THSD7A: variants seen among roughly 807,000 people sequenced by gnomAD.
The protein encoded by THSD7A is thrombospondin type-1 domain-containing protein 7A.
Under a neutral mutation model 231.3 loss-of-function variants are expected in THSD7A, and 96 were observed. The ratio of observed to expected loss-of-function variants is 0.41; its 90% CI spans 0.35 to 0.49. The LOEUF (loss-of-function observed/expected upper bound fraction) is 0.49. THSD7A is among the 20% of genes least tolerant of loss of function. The probability of loss-of-function intolerance (pLI) is 0.05; values close to 1 mark genes in which losing one functional copy is unlikely to be tolerated. For synonymous variants in THSD7A, 940 were observed against 743.3 expected (o/e 1.26, Z -4.30); for missense variants, 2,290 against 2,070.2 (o/e 1.11, Z -2.06).
At chr7:11,680,182 C>T (rs1178242165) in intron 1 of THSD7A, among the ~76,000 whole-genome samples, 5 of 151,998 alleles carry the variant, frequency 3.3e-5, no homozygotes, top group African/African-American at 1.2e-4. Context: ...CTTCCTTACA[C>T]CTTATACAAA....
chr7:11,379,435 G>A (rs956678259), intron 25 of THSD7A, 155 bp from the exon 26 acceptor site: 8 of 879,438 alleles, frequency 9.1e-6, no homozygotes, highest in African/African-American at 8.5e-5. Flanking sequence ...ACATACTTTT[G>A]GCATTATATG....
At chr7:11,525,105 AT>A (rs1379998239) in intron 6 of THSD7A, among the ~76,000 whole-genome samples, 1 of 152,158 alleles carries the variant, frequency 6.6e-6, no homozygotes, top group Non-Finnish European at 1.5e-5. Context: ...CAGCAAATCC[AT>A]TTTTAAATGC....
At position 11,372,413 on chromosome 7, in the gene THSD7A, T is replaced by C. The variant is rs1433485171; in HGVS notation, c.*3381A>G. Reference sequence around the variant, plus strand: ...TATTTGCCTTGTTAGAAGTAATTTGTGCTTTGTTATAAGTAATTAAAAACA... The same window carrying C: ...TATTTGCCTTGTTAGAAGTAATTTGCGCTTTGTTATAAGTAATTAAAAACA... On this transcript the variant is annotated 3_prime_UTR_variant, in exon 28 of 28. Transcript: ENST00000423059. 1 of 152,028 alleles carries C rather than the reference T, an allele frequency of 6.6e-6. No individual in the cohort carries two copies. Among genetic ancestry groups the C allele is most frequent in the Non-Finnish European group, 1.5e-5 (1 of 67,982 alleles). 9.4% of individuals were successfully genotyped at this position (152,028 alleles called of 1,614,324 possible).
intron 1 of THSD7A, among the ~76,000 whole-genome samples, chr7:11,768,754 G>C (rs1783110473): frequency 1.3e-5 from 2 of 151,938 alleles, no homozygotes. Context: ...TTGTTAATTT[G>C]TTATATAAAA....
intron 6 of THSD7A, among the ~76,000 whole-genome samples, chr7:11,504,832 CT>C (rs11379673): frequency 8.4e-4 from 126 of 150,196 alleles, no homozygotes; most frequent in African/African-American, 2.8e-3. Flanking sequence ...CAACTAACTC[CT>C]TTTTTTTTAT....
rs781611100 is a variant in THSD7A, at chr7:11,379,158, C to T, written c.4713G>A (p.Val1571=). Residue 1571 remains valine (V), a synonymous_variant, in exon 26 of 28, where the codon GTG becomes GTA. Coordinates refer to ENST00000423059, the MANE Select transcript of THSD7A (RefSeq NM_015204.3). ...TTGGATGTACAGCCCGACTGGTTTTCACATCTCCTCTTTTGTCCTCCATGG... is the reference window on the plus strand; with the variant it reads ...TTGGATGTACAGCCCGACTGGTTTTTACATCTCCTCTTTTGTCCTCCATGG... ...LPTMEDKRGD[V]KTSRAVHPTQ... is the part of the protein sequence containing the mutation. 10 of 1,613,568 alleles carry T rather than the reference C, an allele frequency of 6.2e-6. No homozygotes were observed. Among genetic ancestry groups the T allele is most frequent in the Non-Finnish European group, 8.5e-6 (10 of 1,179,732 alleles).
intron 1 of THSD7A, among the ~76,000 whole-genome samples, chr7:11,772,337 A>C (rs1268005474): frequency 6.6e-6 from 1 of 152,234 alleles, no homozygotes; most frequent in East Asian, 1.9e-4. Flanking sequence ...AACTTAAAAC[A>C]GAACTACCAT....
At chr7:11,468,783 G>A (rs1026375347) in intron 9 of THSD7A, among the ~76,000 whole-genome samples, 1 of 152,108 alleles carries the variant, frequency 6.6e-6, no homozygotes. Context: ...GCAATGGGCC[G>A]AAATTGAGCC....
chr7:11,723,969 C>T (rs1583226793), intron 1 of THSD7A, among the ~76,000 whole-genome samples: 1 of 151,726 alleles, frequency 6.6e-6, no homozygotes, highest in African/African-American at 2.4e-5. Flanking sequence ...TGAGAATAGA[C>T]CCAAAAGCAG....
intron 7 of THSD7A, 99 bp downstream of exon 7, chr7:11,481,689 G>T: frequency 8.7e-6 from 11 of 1,262,696 alleles, no homozygotes; most frequent in Non-Finnish European, 1.2e-5. Context: ...ATTTCTGGTT[G>T]TTGACTTTCA....
At chr7:11,483,830 T>C (rs536256536) in intron 6 of THSD7A, among the ~76,000 whole-genome samples, 21 of 152,206 alleles carry the variant, frequency 1.4e-4, no homozygotes, top group South Asian at 4.1e-4. Flanking sequence ...TATCCTCTAA[T>C]AGTTACCTAA....
At chr7:11,557,042 A>C (rs764883446) in intron 4 of THSD7A, among the ~76,000 whole-genome samples, 33 of 151,850 alleles carry the variant, frequency 2.2e-4, no homozygotes, top group Admixed American at 1.4e-3. Flanking sequence ...CTCTGAATAC[A>C]TTTTTTTTCT....
Position 11,636,187 on chromosome 7 carries a change from C to A in THSD7A, c.965G>T (p.Gly322Val). The A allele has an allele frequency of 6.2e-7, 1 of 1,613,984 alleles. No homozygotes were observed. The highest frequency in any genetic ancestry group is 8.5e-7 in the Non-Finnish European group (1 of 1,179,894). ...QENKYWDIQI[G>V]YQTREVMCIN... ...GCACATAACCTCTCTGGTCTGATATCCAATCTGGATGTCCCAATATTTGTT... is the reference window on the plus strand; with the variant it reads ...GCACATAACCTCTCTGGTCTGATATACAATCTGGATGTCCCAATATTTGTT... The change falls in exon 2 of 28, where the codon GGA (glycine) becomes GTA (valine). Residue 322 changes from glycine (G) to valine (V), a missense_variant. Coordinates refer to ENST00000423059, the MANE Select transcript of THSD7A (RefSeq NM_015204.3). The surrounding 1 kb of genome is among the most constrained non-coding windows in gnomAD (Gnocchi z 10.0).
At chr7:11,691,134 C>G (rs983056327) in intron 1 of THSD7A, among the ~76,000 whole-genome samples, 4 of 151,602 alleles carry the variant, frequency 2.6e-5, no homozygotes, top group African/African-American at 9.7e-5. Context: ...AAATAACTCA[C>G]ATTCATGCAT....
rs1401055373 is a variant in THSD7A at position 11,374,565 on chromosome 7, T to TTGA, written c.*1226_*1228dup. The TTGA allele has an allele frequency of 1.3e-5, 2 of 152,100 alleles. No homozygotes were observed. The highest frequency in any genetic ancestry group is 2.9e-5 in the Non-Finnish European group (2 of 67,990). The allele number at this position is 152,100 out of a possible 1,614,324, so 9.4% of individuals were successfully genotyped here. A position where few individuals can be genotyped will look rare whatever the true frequency, so the allele number is the denominator to read the frequency against. On this transcript the variant is annotated 3_prime_UTR_variant, in exon 28 of 28. Coordinates refer to ENST00000423059, the MANE Select transcript of THSD7A (RefSeq NM_015204.3). ...TGATTTCCTTTAGTTACAAAGGTCATTGATACATTATTTATTTTCTCCATC... is the reference window on the plus strand; with the variant it reads ...TGATTTCCTTTAGTTACAAAGGTCATTGATGATACATTATTTATTTTCTCCATC...
intron 23 of THSD7A, chr7:11,385,039 C>T (rs1245842942): frequency 6.7e-6 from 1 of 150,164 alleles, no homozygotes; most frequent in African/African-American, 2.5e-5. Context: ...ATTTTGGTTG[C>T]ATTTATTTTT....
chr7:11,616,929 T>C (rs1781127537), intron 2 of THSD7A, among the ~76,000 whole-genome samples: 2 of 152,238 alleles, frequency 1.3e-5, no homozygotes, highest in East Asian at 3.8e-4. Flanking sequence ...TAAATGTTTT[T>C]ATTTTAAAAA....
Position 11,530,762 on chromosome 7 carries a change from A to G in THSD7A, c.1822+10657T>C, listed in dbSNP as rs534991506. Among the ~76,000 whole-genome samples, 8 of 151,934 alleles carry G rather than the reference A, an allele frequency of 5.3e-5. 1 individual carries two copies. The highest frequency in any genetic ancestry group is 1.9e-4 in the African/African-American group (8 of 41,466). Reference sequence around the variant, plus strand: ...TGGTGGCTCATGCCTGTAAATCCCAACTCTTTGGGAGGCCGAGGTGGGCAG... The same window carrying G: ...TGGTGGCTCATGCCTGTAAATCCCAGCTCTTTGGGAGGCCGAGGTGGGCAG... On this transcript the variant is annotated intron_variant, in intron 6 of 27. Transcript: ENST00000423059.
chr7:11,464,398 C>T (rs566554073), intron 9 of THSD7A, among the ~76,000 whole-genome samples: 1 of 152,082 alleles, frequency 6.6e-6, no homozygotes, highest in African/African-American at 2.4e-5. Flanking sequence ...ATGAGTTCAG[C>T]ATTAGTGGCA....
Sources: gnomAD v4.1 joint callset for allele counts (sites outside exome capture counted in the v4.1 genomes callset) on GRCh38, gnomAD v4.1.1 for gene constraint, Gnocchi (gnomAD v3.1) non-coding constraint, MANE v1.5 for transcripts, NCBI Gene and HGNC (gene_info 2026-07-23, HGNC 2026-07-21) for gene names.